MAML3: variants seen among roughly 807,000 people sequenced by gnomAD.
The protein encoded by MAML3 is mastermind-like protein 3.
A neutral mutation model predicts 101.9 loss-of-function variants in MAML3; 27 were observed. That is an observed-to-expected ratio of 0.27 (90% confidence interval 0.20 to 0.37). MAML3 has a LOEUF of 0.37. Ranked by LOEUF, MAML3 falls within the 10% of genes least tolerant of loss-of-function variation. The pLI is 1.00. For missense variants in MAML3, 1,316 were observed against 1,444.9 expected, an observed-to-expected ratio of 0.91 and a Z score of 1.45; for synonymous variants, 501 against 555.9, an observed-to-expected ratio of 0.90 and a Z score of 1.39.
In MAML3 at chr4:139,890,982, G is replaced by T; in HGVS notation, c.469-15C>A. ...GTCTCTTGTAGCTGGAAAAGAAACA[G>T]GAAAGAGGATGACTAAACCTCCAAG... On this transcript the variant is annotated splice_polypyrimidine_tract_variant and intron_variant, in intron 1 of 4. Coordinates refer to ENST00000509479, the MANE Select transcript of MAML3 (RefSeq NM_018717.5). The surrounding 1 kb of genome is among the most constrained non-coding windows in gnomAD (Gnocchi z 4.1). The T allele has an allele frequency of 3.7e-6, 6 of 1,603,646 alleles. No homozygotes were observed. The highest frequency in any genetic ancestry group is 5.1e-6 in the Non-Finnish European group (6 of 1,173,666).
intron 2 of MAML3, among the ~76,000 whole-genome samples, chr4:139,804,045 G>A (rs181834674): frequency 1.1e-4 from 17 of 152,290 alleles, no homozygotes; most frequent in Admixed American, 1.1e-3. Context: ...CCAACTTCCT[G>A]CCTTGGCTCT....
chr4:139,819,080 G>A lies in MAML3; in HGVS notation c.2079+70277C>T, dbSNP rs545329625. On this transcript the variant is annotated intron_variant, in intron 2 of 4. Transcript: ENST00000509479. ...AAACAGCCAGCAAAAATGTAAGGCC[G>A]AATAAAATAAGCATGAAATGAAGGC... 2.0e-4 allele frequency among the ~76,000 whole-genome samples: 31 copies of A among 152,260 alleles called. 1 individual carries two copies. Among genetic ancestry groups the A allele is most frequent in the East Asian group, 7.7e-4 (4 of 5,184 alleles).
chr4:140,119,103 A>C (rs1728561009), intron 1 of MAML3, among the ~76,000 whole-genome samples: 1 of 152,194 alleles, frequency 6.6e-6, no homozygotes. Flanking sequence ...TCAAGGCAAA[A>C]GTCAGGTGTG....
At chr4:140,084,515 T>G (rs1380380020) in intron 1 of MAML3, among the ~76,000 whole-genome samples, 1 of 152,218 alleles carries the variant, frequency 6.6e-6, no homozygotes, top group Non-Finnish European at 1.5e-5. Flanking sequence ...ATCAGCCATT[T>G]GAAGGTTTAT....
At chr4:139,833,626 C>G (rs1731210140) in intron 2 of MAML3, among the ~76,000 whole-genome samples, 2 of 152,124 alleles carry the variant, frequency 1.3e-5, no homozygotes, top group Admixed American at 6.5e-5. Flanking sequence ...ACTCTGAGTT[C>G]GAGGCCCTAA....
At chr4:139,984,118 G>A (rs750985033) in intron 1 of MAML3, among the ~76,000 whole-genome samples, 17 of 152,202 alleles carry the variant, frequency 1.1e-4, no homozygotes, top group Non-Finnish European at 2.4e-4. Context: ...ATAAAGTCAG[G>A]AAGTGGGGGC....
chr4:139,898,923 C>T (rs575253439), intron 1 of MAML3, among the ~76,000 whole-genome samples: 3 of 152,224 alleles, frequency 2.0e-5, no homozygotes, highest in Middle Eastern at 3.4e-3. Flanking sequence ...GGATCTTGAG[C>T]GTTATTTAGA....
chr4:140,069,919 C>T (rs1727616825), intron 1 of MAML3, among the ~76,000 whole-genome samples: 1 of 151,966 alleles, frequency 6.6e-6, no homozygotes, highest in Non-Finnish European at 1.5e-5. Context: ...AGTCCCAGAC[C>T]AGCCTGACCA....
At chr4:139,873,925 A>G (rs1290274471) in intron 2 of MAML3, among the ~76,000 whole-genome samples, 1 of 152,260 alleles carries the variant, frequency 6.6e-6, no homozygotes, top group Non-Finnish European at 1.5e-5. Context: ...ATAAGTTGTT[A>G]CACAGCAATA....
chr4:139,988,326 CA>C (rs764018702), intron 1 of MAML3, among the ~76,000 whole-genome samples: 4,775 of 81,802 alleles, frequency 0.058, 69 homozygotes, highest in African/African-American at 0.18. Flanking sequence ...GACTCCGTCT[CA>C]AAAAAAAAAA....
intron 1 of MAML3, among the ~76,000 whole-genome samples, chr4:140,013,878 A>T (rs1273919483): frequency 6.6e-6 from 1 of 152,238 alleles, no homozygotes; most frequent in Admixed American, 6.5e-5. Flanking sequence ...ACCATAACAG[A>T]TACTCAGCAA....
chr4:140,148,320 T>A (rs1729098882), intron 1 of MAML3, among the ~76,000 whole-genome samples: 1 of 152,236 alleles, frequency 6.6e-6, no homozygotes, highest in Non-Finnish European at 1.5e-5. Context: ...GCTTCTACTT[T>A]TCTGACCACT....
chr4:139,749,807 T>C (rs1729445370), intron 2 of MAML3, among the ~76,000 whole-genome samples: 2 of 152,120 alleles, frequency 1.3e-5, no homozygotes, highest in Non-Finnish European at 2.9e-5. Flanking sequence ...CAGTAATTAT[T>C]TTACAGTTAT....
chr4:139,821,143 G>A (rs1730965594), intron 2 of MAML3, among the ~76,000 whole-genome samples: 1 of 152,148 alleles, frequency 6.6e-6, no homozygotes, highest in African/African-American at 2.4e-5. Flanking sequence ...GTATGGAGCC[G>A]ATCACTAAGT....
At chr4:139,899,866 A>T (rs1276308036) in intron 1 of MAML3, among the ~76,000 whole-genome samples, 1 of 152,170 alleles carries the variant, frequency 6.6e-6, no homozygotes, top group East Asian at 1.9e-4. Context: ...ACCATCCCAG[A>T]ATGCGGCTTC....
chr4:139,850,690 A>G (rs1009689844), intron 2 of MAML3, among the ~76,000 whole-genome samples: 7 of 151,882 alleles, frequency 4.6e-5, no homozygotes, highest in African/African-American at 1.2e-4. Flanking sequence ...ACAGGTGCAT[A>G]CCACGAAGCC....
At chr4:139,845,086 C>T (rs773255207) in intron 2 of MAML3, among the ~76,000 whole-genome samples, 1 of 152,154 alleles carries the variant, frequency 6.6e-6, no homozygotes, top group Non-Finnish European at 1.5e-5. Context: ...CAGTCCAATA[C>T]TTACTAAAGC....
intron 1 of MAML3, among the ~76,000 whole-genome samples, chr4:140,058,515 ACAAT>A (rs1727390981): frequency 6.6e-6 from 1 of 151,336 alleles, no homozygotes; most frequent in African/African-American, 2.4e-5. Context: ...CATAAAATGA[ACAAT>A]CACATATATT....
chr4:139,783,354 G>A (rs541185949), intron 2 of MAML3, among the ~76,000 whole-genome samples: 8 of 152,260 alleles, frequency 5.3e-5, no homozygotes, highest in African/African-American at 9.6e-5. Context: ...GTTGTCAAGC[G>A]TTCAGAGACA....
Sources: allele counts gnomAD v4.1 joint callset (sites outside exome capture counted in the v4.1 genomes callset), GRCh38; gene constraint gnomAD v4.1.1; non-coding constraint Gnocchi (gnomAD v3.1); transcripts MANE v1.5; gene names NCBI Gene and HGNC (gene_info 2026-07-23, HGNC 2026-07-21).